ADSL: variants seen among roughly 807,000 people sequenced by gnomAD.
ADSL encodes the protein adenylosuccinase.
ADSL carries 44 observed loss-of-function variants against 62.1 expected under a neutral mutation model. The observed-to-expected ratio is 0.71, with a 90% CI of 0.56 to 0.91. ADSL has a LOEUF of 0.91. ADSL is among the 40% of genes least tolerant of loss of function. The pLI is 0.00. For synonymous variants in ADSL, 198 were observed against 220.5 expected (o/e 0.90, Z 0.90); for missense variants, 531 against 627.4 (o/e 0.85, Z 1.64).
chr22:40,372,656 G>C (rs1482913191), downstream of ADSL: 2 of 152,186 alleles, frequency 1.3e-5, no homozygotes, highest in Non-Finnish European at 2.9e-5. Context: ...CCCGACATTA[G>C]GGTGAAATAT....
chr22:40,364,368 T>G lies in ADSL; in HGVS notation c.1191+3T>G, dbSNP rs2044916791. 6.2e-7 allele frequency: 1 copy of G among 1,613,350 alleles called. No homozygotes were observed. The highest frequency in any genetic ancestry group is 1.3e-5 in the African/African-American group (1 of 74,924). On this transcript the variant is annotated splice_donor_region_variant and intron_variant, in intron 11 of 12. Transcript: ENST00000623063. ...TCAAAGCTGGAGGTAGCCGCCAGGT[T>G]TGTAACCCCTCATGTTCCTGGATAA...
rs373063501 is a variant in ADSL at position 40,350,133 on chromosome 22, CT to C, written c.357+112del. 0.2 allele frequency: 157,137 copies of C among 787,938 alleles called. No individual in the cohort carries two copies. Among genetic ancestry groups the C allele is most frequent in the South Asian group, 0.26 (12,382 of 47,310 alleles). The allele number at this position is 787,938 out of a possible 1,614,324, so 48.8% of individuals were successfully genotyped here. ...CAGTTGAGGAAGTGACACTATAGAT[CT>C]TTTTTTTTTTTTTGAGGCAGAGTCT... On this transcript the variant is annotated intron_variant, in intron 2 of 12. Transcript: ENST00000623063.
At chr22:40,349,557 T>C (rs887618809) in intron 1 of ADSL, among the ~76,000 whole-genome samples, 2 of 151,952 alleles carry the variant, frequency 1.3e-5, no homozygotes, top group Non-Finnish European at 2.9e-5. Context: ...TGTATTTTAG[T>C]AGAGACAGGG....
intron 1 of ADSL, among the ~76,000 whole-genome samples, chr22:40,347,540 C>A (rs997804873): frequency 3.9e-5 from 6 of 152,208 alleles, no homozygotes; most frequent in African/African-American, 1.4e-4. Flanking sequence ...AATGCCCTCT[C>A]AAACGGCACA....
intron 4 of ADSL, among the ~76,000 whole-genome samples, chr22:40,356,023 C>T (rs1443042596): frequency 8.0e-6 from 1 of 124,864 alleles, no homozygotes; most frequent in Non-Finnish European, 1.7e-5. Context: ...CCTGTCTCTA[C>T]TAAAAATACA....
rs780296394 is a variant in ADSL, at chr22:40,366,429, C to G, written c.1369-7C>G. 4.4e-6 allele frequency: 7 copies of G among 1,599,276 alleles called. No individual in the cohort carries two copies. Among genetic ancestry groups the G allele is most frequent in the Non-Finnish European group, 6.0e-6 (7 of 1,166,608 alleles). The stretch of plus-strand genomic sequence containing the variant: ...TCTTTTGTCTTGTATTTGCTTTCCT[C>G]TGGCAGGTGCAGAGATTCTTAGAAG... On this transcript the variant is annotated splice_polypyrimidine_tract_variant and splice_region_variant and intron_variant, in intron 12 of 12. Transcript: ENST00000623063.
chr22:40,365,458 A>G (rs576552429), intron 12 of ADSL, among the ~76,000 whole-genome samples: 26 of 152,200 alleles, frequency 1.7e-4, no homozygotes, highest in Non-Finnish European at 3.7e-4. Context: ...AACCTCTGGC[A>G]TTTACTGGCT....
At chr22:40,365,092 C>T (rs759060382) in intron 12 of ADSL, 36 bp downstream of exon 12, 9 of 1,587,042 alleles carry the variant, frequency 5.7e-6, no homozygotes, top group Non-Finnish European at 7.8e-6. Context: ...TGCTGGGCTG[C>T]AGAACCTGGG....
rs2146678444 is a variant in ADSL, at chr22:40,366,468, C to T, written c.1401C>T (p.Pro467=). 6.2e-7 allele frequency: 1 copy of T among 1,613,460 alleles called. No homozygotes were observed. The highest frequency in any genetic ancestry group is 8.5e-7 in the Non-Finnish European group (1 of 1,179,486). Residue 467 remains proline (P), a synonymous_variant, in exon 13 of 13, where the codon CCC becomes CCT. Transcript: ENST00000623063. ...VQRFLEEEVY[P]LLKPYESVMK... The stretch of plus-strand genomic sequence containing the variant: ...GATTCTTAGAAGAGGAGGTGTATCC[C>T]CTGTTAAAACCATATGAAAGCGTGA...
intron 6 of ADSL, among the ~76,000 whole-genome samples, chr22:40,360,002 C>T (rs1171219225): frequency 2.0e-5 from 3 of 152,240 alleles, no homozygotes; most frequent in Admixed American, 6.5e-5. Context: ...CACCATGGCT[C>T]CTTCTCCCAG....
In ADSL at chr22:40,367,276, A is replaced by AC. The variant is rs1333412270; in HGVS notation, c.*755dup. ...CTCAGCCTCCCAAGTAGCTGGGATTACAGGCGCCTGCCGCCATGCCTGGCT... is the reference window on the plus strand; with the variant it reads ...CTCAGCCTCCCAAGTAGCTGGGATTACCAGGCGCCTGCCGCCATGCCTGGCT... On this transcript the variant is annotated 3_prime_UTR_variant, in exon 13 of 13. Transcript: ENST00000623063. 6.6e-6 allele frequency: 1 copy of AC among 152,328 alleles called. No homozygotes were observed. Among genetic ancestry groups the AC allele is most frequent in the African/African-American group, 2.4e-5 (1 of 41,436 alleles). 9.4% of individuals were successfully genotyped at this position (152,328 alleles called of 1,614,324 possible).
chr22:40,349,164 A>G (rs1043439688), intron 1 of ADSL, among the ~76,000 whole-genome samples: 4 of 152,148 alleles, frequency 2.6e-5, no homozygotes, highest in Non-Finnish European at 2.9e-5. Context: ...AGGTTAATAA[A>G]TATGTAAAAA....
At chr22:40,364,761 C>A in intron 11 of ADSL, 119 bp from the exon 12 acceptor site, 1 of 1,053,766 alleles carries the variant, frequency 9.5e-7, no homozygotes, top group Non-Finnish European at 1.5e-6. Context: ...CCACCTCAGC[C>A]TAGAGGGGTT....
intron 9 of ADSL, 74 bp from the exon 10 acceptor site, chr22:40,362,907 C>T (rs926684021): frequency 1.5e-6 from 2 of 1,365,522 alleles, no homozygotes; most frequent in Non-Finnish European, 2.1e-6. Context: ...AGTAGGGCAA[C>T]TTGTTGGGAC....
chr22:40,363,501 C>T (rs964815462), intron 10 of ADSL, among the ~76,000 whole-genome samples: 8 of 151,992 alleles, frequency 5.3e-5, no homozygotes, highest in Non-Finnish European at 8.8e-5. Flanking sequence ...TTTGGGAGGC[C>T]GAGGCGGGCA....
intron 3 of ADSL, chr22:40,353,782 C>G (rs566452382): frequency 1.5e-5 from 4 of 268,646 alleles, no homozygotes; most frequent in Non-Finnish European, 2.9e-5. Context: ...CCCGCCACTA[C>G]GCCCAGCTAT....
At chr22:40,375,515 G>A (rs1229296389) in intron 2 of ADSL, among the ~76,000 whole-genome samples, 1 of 151,902 alleles carries the variant, frequency 6.6e-6, no homozygotes, top group Non-Finnish European at 1.5e-5. Flanking sequence ...GGGAGGCATA[G>A]GTTGCAGTGA....
chr22:40,385,308 G>T (rs753117612), intron 2 of ADSL, among the ~76,000 whole-genome samples: 19 of 152,210 alleles, frequency 1.2e-4, no homozygotes, highest in Non-Finnish European at 1.8e-4. Context: ...GAGGCAGAGG[G>T]ATAAGAGCTA....
chr22:40,350,804 TAG>T (rs540607526), intron 2 of ADSL, among the ~76,000 whole-genome samples: 136 of 151,656 alleles, frequency 9.0e-4, no homozygotes, highest in African/African-American at 3.0e-3. Flanking sequence ...GTATTTTTAG[TAG>T]AGAGGGGTTT....
Sources: gnomAD v4.1 joint callset for allele counts (sites outside exome capture counted in the v4.1 genomes callset) on GRCh38, gnomAD v4.1.1 for gene constraint, MANE v1.5 for transcripts, NCBI Gene and HGNC (gene_info 2026-07-23, HGNC 2026-07-21) for gene names.